The following ADAM22 variants were observed in gnomAD, a reference collection of about 807,000 sequenced individuals.
ADAM22 encodes the protein ADAM metallopeptidase domain 22.
In ADAM22, 65 loss-of-function variants were observed where a neutral mutation model predicts 144.6. The observed-to-expected ratio is 0.45, with a 90% CI of 0.37 to 0.55. ADAM22 has a LOEUF of 0.55. Among genes scored for constraint, ADAM22 ranks in the 20% least tolerant of loss-of-function variants. ADAM22 has a pLI of 0.00. For missense variants in ADAM22, 974 were observed against 1,184.9 expected, an observed-to-expected ratio of 0.82 and a Z score of 2.61; for synonymous variants, 391 against 412.6, an observed-to-expected ratio of 0.95 and a Z score of 0.63.
chr7:87,963,888 A>C (rs759308508), intron 2 of ADAM22, among the ~76,000 whole-genome samples: 1 of 152,222 alleles, frequency 6.6e-6, no homozygotes, highest in Non-Finnish European at 1.5e-5. Context: ...AGTTCATGCC[A>C]GTGAAGAAAG....
chr7:87,959,736 T>TA (rs796567412), intron 2 of ADAM22, among the ~76,000 whole-genome samples: 51 of 152,308 alleles, frequency 3.3e-4, no homozygotes, highest in African/African-American at 1.2e-3. Flanking sequence ...GCATTTATTA[T>TA]AAAAAAAGTT....
chr7:87,992,968 T>G (rs762405212), intron 3 of ADAM22, among the ~76,000 whole-genome samples: 2 of 152,274 alleles, frequency 1.3e-5, no homozygotes, highest in African/African-American at 2.4e-5. Context: ...ACCTCTGTGA[T>G]TAGTTGATAC....
At chr7:88,180,545 A>G (rs1846743950) in intron 27 of ADAM22, among the ~76,000 whole-genome samples, 1 of 152,112 alleles carries the variant, frequency 6.6e-6, no homozygotes, top group African/African-American at 2.4e-5. Context: ...AATTATTTCT[A>G]TTATTATTCC....
chr7:88,153,185 C>A lies in ADAM22; in HGVS notation c.1682-36C>A, dbSNP rs372097013. 60 of 1,492,198 alleles carry A rather than the reference C, an allele frequency of 4.0e-5. No individual in the cohort carries two copies. In the African/African-American group the frequency reaches 6.5e-4, roughly 16 times the overall value. The allele number at this position is 1,492,198 out of a possible 1,614,324, so 92.4% of individuals were successfully genotyped here. On this transcript the variant is annotated intron_variant, in intron 20 of 31. Transcript: ENST00000413139. ...AAAGCTTTTGAGCAGCCAAATCGTA[C>A]TTCCCTCACTGATAGAAAATTTTTT...
chr7:87,994,483 A>G (rs1202359409), intron 3 of ADAM22, among the ~76,000 whole-genome samples: 2 of 152,156 alleles, frequency 1.3e-5, no homozygotes, highest in East Asian at 3.9e-4. Context: ...TTCTTTAGCC[A>G]AACTTTGACT....
At chr7:87,986,388 G>A (rs1463919573) in intron 3 of ADAM22, among the ~76,000 whole-genome samples, 1 of 152,168 alleles carries the variant, frequency 6.6e-6, no homozygotes, top group Non-Finnish European at 1.5e-5. Context: ...AAGGGGAACT[G>A]TATTGGAAGG....
chr7:88,168,121 T>C lies in ADAM22; in HGVS notation c.2192-16T>C. The stretch of plus-strand genomic sequence containing the variant: ...TTATACCACTGATCTTCCTTCTTTC[T>C]TTTTTTTCCTCTCAGGTGTTGCTGG... On this transcript the variant is annotated splice_polypyrimidine_tract_variant and intron_variant, in intron 24 of 31. Transcript: ENST00000413139. The C allele has an allele frequency of 6.3e-7, 1 of 1,595,070 alleles. No homozygotes were observed.
At chr7:88,041,400 CA>C (rs1306004726) in intron 3 of ADAM22, among the ~76,000 whole-genome samples, 1 of 151,786 alleles carries the variant, frequency 6.6e-6, no homozygotes, top group Non-Finnish European at 1.5e-5. Context: ...TGGAGTTTTA[CA>C]TTAGTATGTG....
intron 23 of ADAM22, among the ~76,000 whole-genome samples, chr7:88,164,035 T>C (rs1842389256): frequency 6.6e-6 from 1 of 152,122 alleles, no homozygotes; most frequent in Admixed American, 6.6e-5. Flanking sequence ...CAAGAATTTA[T>C]TTAGGGAAGT....
At chr7:88,062,575 T>C (rs1810186267) in intron 3 of ADAM22, among the ~76,000 whole-genome samples, 1 of 152,248 alleles carries the variant, frequency 6.6e-6, no homozygotes, top group Non-Finnish European at 1.5e-5. Flanking sequence ...TTTGCTTTTT[T>C]ATCATTCATG....
At chr7:88,084,567 C>T (rs972705240) in intron 4 of ADAM22, among the ~76,000 whole-genome samples, 19 of 152,202 alleles carry the variant, frequency 1.2e-4, no homozygotes, top group African/African-American at 4.6e-4. Context: ...AATTATTTCT[C>T]TGCTGGTTCC....
chr7:88,135,652 C>T (rs1050366849), intron 13 of ADAM22, among the ~76,000 whole-genome samples: 16 of 152,212 alleles, frequency 1.1e-4, no homozygotes, highest in Admixed American at 7.8e-4. Context: ...AACTGAGATC[C>T]TGTAATAGTG....
At position 88,039,464 on chromosome 7, in the gene ADAM22, A is replaced by AAAAAAAAAAAAAAAAT; in HGVS notation, c.324-36161_324-36160insAAAAAAAAAAAAAATA. Among the ~76,000 whole-genome samples, 142 of 76,352 alleles carry AAAAAAAAAAAAAAAAT rather than the reference A, an allele frequency of 1.9e-3. 2 individuals carry two copies. Among genetic ancestry groups the AAAAAAAAAAAAAAAAT allele is most frequent in the East Asian group, 0.01 (19 of 1,882 alleles). 50.1% of individuals were successfully genotyped at this position (76,352 alleles called of 152,430 possible). A position where few individuals can be genotyped will look rare whatever the true frequency, so the allele number is the denominator to read the frequency against. Reference sequence around the variant, plus strand: ...GATTCTGTCTCAAAAAAAAAAAAAAAATATATATATATATATATATACATT... The same window carrying AAAAAAAAAAAAAAAAT: ...GATTCTGTCTCAAAAAAAAAAAAAAAAAAAAAAAAAAAAAATATATATATATATATATATATACATT... On this transcript the variant is annotated intron_variant, in intron 3 of 31. Coordinates refer to ENST00000413139, the MANE Select transcript of ADAM22 (RefSeq NM_001324418.2).
chr7:88,119,641 A>G lies in ADAM22; in HGVS notation c.607+2827A>G, dbSNP rs1376763791. 7.2e-5 allele frequency among the ~76,000 whole-genome samples: 11 copies of G among 152,218 alleles called. No homozygotes were observed. In the East Asian group the frequency reaches 1.7e-3, roughly 24 times the overall value. ...GTAGCTGGGACTACAGGCATGCACT[A>G]TCATGCCTGGCTAATTTTTGTATTT... On this transcript the variant is annotated intron_variant, in intron 7 of 31. Coordinates refer to ENST00000413139, the MANE Select transcript of ADAM22 (RefSeq NM_001324418.2).
intron 21 of ADAM22, among the ~76,000 whole-genome samples, chr7:88,153,899 G>C (rs1839171511): frequency 6.6e-6 from 1 of 152,098 alleles, no homozygotes; most frequent in South Asian, 2.1e-4. Flanking sequence ...ACAGTTTTCT[G>C]TGCCAGCATT....
At chr7:88,017,858 C>G (rs1465906160) in intron 3 of ADAM22, among the ~76,000 whole-genome samples, 1 of 150,702 alleles carries the variant, frequency 6.6e-6, no homozygotes, top group East Asian at 1.9e-4. Flanking sequence ...TATATATCTT[C>G]CTATTTCTCT....
At chr7:87,994,618 T>C (rs1790687205) in intron 3 of ADAM22, among the ~76,000 whole-genome samples, 1 of 152,186 alleles carries the variant, frequency 6.6e-6, no homozygotes. Flanking sequence ...TCTTTTTTTT[T>C]TCTGATCCCA....
At chr7:88,062,496 G>A (rs1037203983) in intron 3 of ADAM22, among the ~76,000 whole-genome samples, 14 of 152,164 alleles carry the variant, frequency 9.2e-5, no homozygotes, top group African/African-American at 3.4e-4. Context: ...TTGGCTTAAG[G>A]GAATATGTGG....
At chr7:88,069,239 C>T (rs1051656425) in intron 3 of ADAM22, among the ~76,000 whole-genome samples, 1 of 151,918 alleles carries the variant, frequency 6.6e-6, no homozygotes, top group Non-Finnish European at 1.5e-5. Context: ...CCTTCTCTCT[C>T]CCTCTCTCCT....
Sources: gnomAD v4.1 joint callset for allele counts (sites outside exome capture counted in the v4.1 genomes callset) on GRCh38, gnomAD v4.1.1 for gene constraint, MANE v1.5 for transcripts, NCBI Gene and HGNC (gene_info 2026-07-23, HGNC 2026-07-21) for gene names.